The following ZNF93 variants were observed in gnomAD, a reference collection of about 807,000 sequenced individuals.
ZNF93 encodes zinc finger protein 505.
ZNF93 carries 29 observed loss-of-function variants against 45.0 expected under a neutral mutation model. The observed-to-expected ratio is 0.64, with a 90% CI of 0.48 to 0.88. ZNF93 has a LOEUF of 0.88. Ranked by LOEUF, ZNF93 falls within the 40% of genes least tolerant of loss-of-function variation. ZNF93 has a pLI of 0.00. For missense variants in ZNF93, 578 were observed against 724.0 expected (o/e 0.80, Z 2.31); for synonymous variants, 223 against 244.6 (o/e 0.91, Z 0.82).
intron 1 of ZNF93, among the ~76,000 whole-genome samples, chr19:19,902,401 G>C (rs1267621328): frequency 2.0e-5 from 3 of 152,128 alleles, no homozygotes; most frequent in East Asian, 3.9e-4. Flanking sequence ...TGGGATTACA[G>C]GCATGCACCA....
intron 3 of ZNF93, among the ~76,000 whole-genome samples, chr19:19,926,377 C>T (rs531502442): frequency 4.0e-4 from 60 of 150,598 alleles, no homozygotes; most frequent in Admixed American, 3.3e-4. Flanking sequence ...CTGCACCCAG[C>T]CTGACAATTA....
intron 3 of ZNF93, among the ~76,000 whole-genome samples, chr19:19,917,962 T>A (rs577545978): frequency 8.5e-5 from 13 of 152,226 alleles, no homozygotes; most frequent in Admixed American, 2.0e-4. Flanking sequence ...TTCTTTTTTT[T>A]AATTATACTT....
chr19:19,934,947 G>A lies in ZNF93; in HGVS notation c.*129G>A, dbSNP rs369311544. ...AGTCTGGCAGAGGTCCTGCCATTTC[G>A]GAGACCTGGAGGAAGTGGCCCATTT... On this transcript the variant is annotated 3_prime_UTR_variant, in exon 4 of 4. Transcript: ENST00000343769. 18 of 1,045,376 alleles carry A rather than the reference G, an allele frequency of 1.7e-5. No homozygotes were observed. Among genetic ancestry groups the A allele is most frequent in the African/African-American group, 1.1e-4 (7 of 62,244 alleles). 64.8% of individuals were successfully genotyped at this position (1,045,376 alleles called of 1,614,324 possible).
At chr19:19,903,727 A>G (rs1028223600) in intron 1 of ZNF93, among the ~76,000 whole-genome samples, 5 of 151,970 alleles carry the variant, frequency 3.3e-5, no homozygotes, top group African/African-American at 9.7e-5. Flanking sequence ...ATCAAGCCAC[A>G]GCACTCCAGC....
chr19:19,913,728 A>G (rs2063315990), intron 1 of ZNF93, among the ~76,000 whole-genome samples: 3 of 152,138 alleles, frequency 2.0e-5, no homozygotes, highest in Admixed American at 2.0e-4. Context: ...TAGCAGGTAA[A>G]CATGTGGTAC....
Position 19,933,770 on chromosome 19 carries a change from T to C in ZNF93, c.815T>C (p.Leu272Pro). 1 of 1,612,824 alleles carries C rather than the reference T, an allele frequency of 6.2e-7. No homozygotes were observed. The highest frequency in any genetic ancestry group is 2.2e-5 in the East Asian group (1 of 44,796). ...CGKAFNQSST[L>P]TKHKKIHTGE... ...AAAGCTTTTAACCAATCCTCGACAC[T>C]TACTAAACATAAGAAAATTCATACT... Residue 272 changes from leucine to proline, a missense_variant, in exon 4 of 4, where the codon CTT (leucine) becomes CCT (proline). Physicochemically the swap from Leu to Pro is moderately conservative, Grantham distance 98. Around this residue, in one of 3 missense-constraint regions of ZNF93, gnomAD observed 446 missense variants for 547.6 expected, o/e 0.81. Coordinates refer to ENST00000343769, the MANE Select transcript of ZNF93 (RefSeq NM_031218.4).
At chr19:19,932,929 A>G (rs1281954385) in intron 3 of ZNF93, 4 of 253,932 alleles carry the variant, frequency 1.6e-5, no homozygotes, top group Non-Finnish European at 3.0e-5. Context: ...CAGTAAAGAC[A>G]TCTTCAAAAT....
chr19:19,922,799 A>G (rs939169513), intron 3 of ZNF93, among the ~76,000 whole-genome samples: 1 of 152,152 alleles, frequency 6.6e-6, no homozygotes, highest in Non-Finnish European at 1.5e-5. Flanking sequence ...CAGGTCCTTT[A>G]AGGACTTCTC....
Position 19,901,007 on chromosome 19 carries a change from C to G in ZNF93, c.-82C>G. 2.5e-6 allele frequency: 4 copies of G among 1,589,732 alleles called. No homozygotes were observed. Among genetic ancestry groups the G allele is most frequent in the Non-Finnish European group, 2.6e-6 (3 of 1,158,830 alleles). ...CACTACTCTGTGTCCTGTGCTCCTA[C>G]AGGCCCAGCCTCTGTGGCCCTGTGA... On this transcript the variant is annotated 5_prime_UTR_variant, in exon 1 of 4. Coordinates refer to ENST00000343769, the MANE Select transcript of ZNF93 (RefSeq NM_031218.4).
intron 3 of ZNF93, chr19:19,931,928 T>C: frequency 2.9e-6 from 1 of 346,354 alleles, no homozygotes; most frequent in Non-Finnish European, 5.5e-6. Context: ...TCATAACAAC[T>C]TCAATTGAAT....
intron 3 of ZNF93, among the ~76,000 whole-genome samples, chr19:19,920,093 T>A (rs2063338625): frequency 1.3e-5 from 2 of 152,316 alleles, no homozygotes; most frequent in East Asian, 1.9e-4. Flanking sequence ...GGGTTTGTCA[T>A]AAATAGCTCT....
At chr19:19,901,688 C>T (rs1476409474) in intron 1 of ZNF93, among the ~76,000 whole-genome samples, 1 of 152,076 alleles carries the variant, frequency 6.6e-6, no homozygotes, top group Admixed American at 6.5e-5. Flanking sequence ...CGCGCGTTTA[C>T]CCTATATGGA....
intron 1 of ZNF93, among the ~76,000 whole-genome samples, chr19:19,910,604 A>C (rs1016872801): frequency 2.0e-5 from 3 of 151,420 alleles, no homozygotes; most frequent in African/African-American, 4.9e-5. Context: ...TATAATCCTT[A>C]AGCTTGACCC....
intron 3 of ZNF93, among the ~76,000 whole-genome samples, chr19:19,923,993 C>T (rs1016495722): frequency 6.6e-6 from 1 of 152,140 alleles, no homozygotes; most frequent in African/African-American, 2.4e-5. Context: ...AGAAATCATC[C>T]GTCTTCTGTG....
At chr19:19,914,396 T>C (rs537489712) in intron 1 of ZNF93, among the ~76,000 whole-genome samples, 2 of 152,196 alleles carry the variant, frequency 1.3e-5, no homozygotes, top group Non-Finnish European at 2.9e-5. Flanking sequence ...TAACTGTATT[T>C]TGGAGTTTGC....
intron 3 of ZNF93, among the ~76,000 whole-genome samples, chr19:19,921,461 C>T (rs900929754): frequency 6.6e-5 from 10 of 152,114 alleles, no homozygotes; most frequent in Admixed American, 2.6e-4. Flanking sequence ...GTTAGGTCTG[C>T]TTGGTGCAGA....
At chr19:19,905,072 C>G (rs1369161353) in intron 1 of ZNF93, among the ~76,000 whole-genome samples, 2 of 151,992 alleles carry the variant, frequency 1.3e-5, no homozygotes, top group African/African-American at 4.8e-5. Context: ...AACCTAGGGT[C>G]TGGACCACCT....
At position 19,901,032 on chromosome 19, in the gene ZNF93, AC is replaced by A; in HGVS notation, c.-55del. 6.2e-7 allele frequency: 1 copy of A among 1,607,438 alleles called. No homozygotes were observed. Among genetic ancestry groups the A allele is most frequent in the Non-Finnish European group, 8.5e-7 (1 of 1,174,982 alleles). On this transcript the variant is annotated 5_prime_UTR_variant, in exon 1 of 4. Coordinates refer to ENST00000343769, the MANE Select transcript of ZNF93 (RefSeq NM_031218.4). ...CAGGCCCAGCCTCTGTGGCCCTGTG[AC>A]CTGCAGGTATTGGGAGATCCACAGC...
At chr19:19,905,178 A>G (rs1488173977) in intron 1 of ZNF93, among the ~76,000 whole-genome samples, 1 of 151,606 alleles carries the variant, frequency 6.6e-6, no homozygotes, top group African/African-American at 2.4e-5. Flanking sequence ...CCTTTCACCT[A>G]CATTGTGCTC....
Sources: allele counts gnomAD v4.1 joint callset (sites outside exome capture counted in the v4.1 genomes callset), GRCh38; gene constraint gnomAD v4.1.1; regional missense constraint gnomAD v4.1.1; transcripts MANE v1.5; gene names NCBI Gene and HGNC (gene_info 2026-07-23, HGNC 2026-07-21).